Variants in GALNT13 observed in about 807,000 individuals in gnomAD.
The protein encoded by GALNT13 is UDP-GalNAc:polypeptide N-acetylgalactosaminyltransferase 13.
GALNT13 carries 28 observed loss-of-function variants against 64.2 expected under a neutral mutation model. The ratio of observed to expected loss-of-function variants is 0.44; its 90% CI spans 0.32 to 0.60. GALNT13 has a LOEUF of 0.60. Among genes scored for constraint, GALNT13 ranks in the 20% least tolerant of loss-of-function variants. The probability of loss-of-function intolerance (pLI) is 0.05; values close to 1 mark genes in which losing one functional copy is unlikely to be tolerated. For synonymous variants in GALNT13, 214 were observed against 224.6 expected (o/e 0.95, Z 0.42); for missense variants, 577 against 669.8 (o/e 0.86, Z 1.53).
the GALNT13 span, among the ~76,000 whole-genome samples, chr2:153,123,612 A>G: frequency 6.6e-6 from 1 of 152,198 alleles, no homozygotes; most frequent in Non-Finnish European, 1.5e-5. Flanking sequence ...TCTTATGGCA[A>G]AAAAGCAGAT....
At chr2:154,096,325 T>A (rs73965378) in intron 3 of GALNT13, among the ~76,000 whole-genome samples, 17 of 152,096 alleles carry the variant, frequency 1.1e-4, no homozygotes, top group African/African-American at 4.1e-4. Flanking sequence ...TAATTGGTAG[T>A]GTGGAGAAGG....
the GALNT13 span, among the ~76,000 whole-genome samples, chr2:153,348,165 T>C: frequency 1.3e-5 from 2 of 152,202 alleles, no homozygotes; most frequent in South Asian, 4.1e-4. Context: ...TTCCCTATTA[T>C]GCCTGTGTTC....
At chr2:153,076,391 C>T in the GALNT13 span, among the ~76,000 whole-genome samples, 1 of 152,012 alleles carries the variant, frequency 6.6e-6, no homozygotes, top group Admixed American at 6.6e-5. Context: ...AATGTATTTT[C>T]CCAGTATATT....
the GALNT13 span, among the ~76,000 whole-genome samples, chr2:153,650,423 G>T: frequency 6.6e-6 from 1 of 152,042 alleles, no homozygotes; most frequent in Admixed American, 6.6e-5. Flanking sequence ...TGTCCAATTT[G>T]CCAGTCTGTG....
the GALNT13 span, among the ~76,000 whole-genome samples, chr2:153,719,750 G>T: frequency 6.6e-5 from 10 of 150,834 alleles, no homozygotes; most frequent in Non-Finnish European, 5.9e-5. Context: ...GCGCTTTTCA[G>T]ACCGGCTTAA....
At chr2:154,207,334 C>T (rs544727010) in intron 4 of GALNT13, among the ~76,000 whole-genome samples, 1 of 152,256 alleles carries the variant, frequency 6.6e-6, no homozygotes, top group East Asian at 1.9e-4. Context: ...CCTTTTGTTG[C>T]TCTCCTATTA....
At chr2:153,761,846 C>G in the GALNT13 span, 2 of 154,314 alleles carry the variant, frequency 1.3e-5, no homozygotes, top group East Asian at 1.9e-4. Context: ...AACATTTTAA[C>G]CAGCTGTCTG....
the GALNT13 span, among the ~76,000 whole-genome samples, chr2:153,342,721 T>C: frequency 2.0e-5 from 3 of 152,160 alleles, no homozygotes; most frequent in African/African-American, 7.2e-5. Context: ...CTGATTTAGT[T>C]GCTTTTAAAC....
the GALNT13 span, among the ~76,000 whole-genome samples, chr2:153,707,914 C>T: frequency 6.6e-6 from 1 of 152,080 alleles, no homozygotes; most frequent in African/African-American, 2.4e-5. Flanking sequence ...AGCAAGTGGG[C>T]CTACTATACC....
chr2:154,330,536 G>T (rs1169237330), intron 9 of GALNT13, among the ~76,000 whole-genome samples: 1 of 151,974 alleles, frequency 6.6e-6, no homozygotes, highest in East Asian at 1.9e-4. Flanking sequence ...CTTAACTGAC[G>T]AGGCTGTGTG....
Position 154,450,423 on chromosome 2 carries a change from C to T in GALNT13, c.1543C>T (p.Arg515Ter), listed in dbSNP as rs780336642. ...WEYDAERLTL[R>*]HVNSNQCLDE... Reference sequence around the variant, plus strand: ...TTATCTTTTACAGAGACTCACGTTGCGACATGTTAACAGTAACCAATGTCT... The same window carrying T: ...TTATCTTTTACAGAGACTCACGTTGTGACATGTTAACAGTAACCAATGTCT... Residue 515 changes from arginine (R) to a stop codon, truncating the protein, a stop_gained, in exon 13 of 13, where the codon CGA becomes TGA. Coordinates refer to ENST00000392825, the MANE Select transcript of GALNT13 (RefSeq NM_052917.4). LOFTEE classifies it high-confidence loss of function. 14 of 1,610,358 alleles carry T rather than the reference C, an allele frequency of 8.7e-6. No individual in the cohort carries two copies. Among genetic ancestry groups the T allele is most frequent in the East Asian group, 2.2e-5 (1 of 44,828 alleles).
At chr2:153,666,035 G>A in the GALNT13 span, among the ~76,000 whole-genome samples, 1 of 152,114 alleles carries the variant, frequency 6.6e-6, no homozygotes, top group African/African-American at 2.4e-5. Context: ...GATGAGGTTA[G>A]TATGATCTGA....
intron 3 of GALNT13, among the ~76,000 whole-genome samples, chr2:154,027,911 A>G (rs1007349392): frequency 2.0e-5 from 3 of 152,208 alleles, no homozygotes; most frequent in South Asian, 4.1e-4. Flanking sequence ...ATATTATTAC[A>G]TATTGCACAT....
At chr2:153,807,073 C>T in the GALNT13 span, among the ~76,000 whole-genome samples, 1 of 151,912 alleles carries the variant, frequency 6.6e-6, no homozygotes, top group South Asian at 2.1e-4. Flanking sequence ...TACAAAGGTA[C>T]TTACCATCAT....
the GALNT13 span, among the ~76,000 whole-genome samples, chr2:153,377,400 AG>A: frequency 1.9e-3 from 293 of 152,086 alleles, 1 homozygote; most frequent in Admixed American, 4.3e-3. Context: ...TGGTGGTGCT[AG>A]GGGGTGGGGC....
chr2:153,915,163 T>C lies in GALNT13; in HGVS notation c.-105+14156T>C, dbSNP rs143666547. Among the ~76,000 whole-genome samples the C allele has an allele frequency of 4.1e-3, 618 of 152,302 alleles. 3 individuals are homozygous for C. The highest frequency in any genetic ancestry group is 0.014 in the African/African-American group (591 of 41,568). On this transcript the variant is annotated intron_variant, in intron 2 of 12. Coordinates refer to ENST00000392825, the MANE Select transcript of GALNT13 (RefSeq NM_052917.4). ...TACCTGCCCATTCAGCAAGGTTTGA[T>C]GGATCATTCTACCCCTTCCTGAGAA...
the GALNT13 span, among the ~76,000 whole-genome samples, chr2:153,345,655 CTT>C: frequency 7.6e-6 from 1 of 131,734 alleles, no homozygotes; most frequent in African/African-American, 3.0e-5. Context: ...TTCTTTCTTT[CTT>C]TCTTTCTTTC....
chr2:153,274,832 A>G, the GALNT13 span, among the ~76,000 whole-genome samples: 892 of 152,340 alleles, frequency 5.9e-3, 7 homozygotes, highest in African/African-American at 0.02. Flanking sequence ...CTTCAGGGCA[A>G]TTCATTTTGT....
the GALNT13 span, among the ~76,000 whole-genome samples, chr2:153,120,856 T>A: frequency 5.9e-5 from 9 of 152,126 alleles, no homozygotes; most frequent in Non-Finnish European, 1.0e-4. Flanking sequence ...AAGCTTTCTG[T>A]TAACGAGAGT....
Sources: gnomAD v4.1 joint callset for allele counts (sites outside exome capture counted in the v4.1 genomes callset) on GRCh38, gnomAD v4.1.1 for gene constraint, MANE v1.5 for transcripts, NCBI Gene and HGNC (gene_info 2026-07-23, HGNC 2026-07-21) for gene names.